HDLBP: variants seen among roughly 807,000 people sequenced by gnomAD.
The protein encoded by HDLBP is vigilin.
In HDLBP, 30 loss-of-function variants were observed where a neutral mutation model predicts 137.3. That is an observed-to-expected ratio of 0.22 (90% CI 0.16 to 0.30). The LOEUF (loss-of-function observed/expected upper bound fraction) is 0.30, where lower values mean the gene tolerates loss of function less well. Among genes scored for constraint, HDLBP ranks in the 10% least tolerant of loss-of-function variants. HDLBP has a pLI of 1.00. For missense variants in HDLBP, 1,119 were observed against 1,667.3 expected, an observed-to-expected ratio of 0.67 and a Z score of 5.73; for synonymous variants, 606 against 596.0, an observed-to-expected ratio of 1.02 and a Z score of -0.24.
chr2:241,294,467 A>G (rs1025615790), intron 1 of HDLBP, among the ~76,000 whole-genome samples: 1 of 152,132 alleles, frequency 6.6e-6, no homozygotes, highest in Non-Finnish European at 1.5e-5. Context: ...TTATTTTATT[A>G]TTTATTTATT....
chr2:241,291,126 G>A (rs1339089040), intron 1 of HDLBP, among the ~76,000 whole-genome samples: 2 of 152,234 alleles, frequency 1.3e-5, no homozygotes, highest in East Asian at 1.9e-4. Context: ...AAGCATCGTC[G>A]GCTACTACAA....
rs1170094465 is a variant in HDLBP at position 241,240,378 on chromosome 2, T to TC, written c.2170-257dup. 4.6e-5 allele frequency among the ~76,000 whole-genome samples: 7 copies of TC among 152,204 alleles called. No individual in the cohort carries two copies. Among genetic ancestry groups the TC allele is most frequent in the Non-Finnish European group, 7.3e-5 (5 of 68,032 alleles). On this transcript the variant is annotated intron_variant, in intron 17 of 27. Transcript: ENST00000310931. The surrounding 1 kb of genome is among the most constrained non-coding windows in gnomAD (Gnocchi z 5.5). Reference sequence around the variant, plus strand: ...TGAACACACAGGCTTAGAACCCTGGTCCTGCCACTTACAAGCACTGACCAA... The same window carrying TC: ...TGAACACACAGGCTTAGAACCCTGGTCCCTGCCACTTACAAGCACTGACCAA...
chr2:241,262,044 A>AC (rs1201294233), intron 5 of HDLBP, among the ~76,000 whole-genome samples: 9 of 152,224 alleles, frequency 5.9e-5, no homozygotes, highest in African/African-American at 2.2e-4. Context: ...AAGTGCTACC[A>AC]CTTAGGGAGA....
intron 1 of HDLBP, among the ~76,000 whole-genome samples, chr2:241,297,359 A>G (rs1468517847): frequency 6.6e-6 from 1 of 152,224 alleles, no homozygotes; most frequent in Non-Finnish European, 1.5e-5. Context: ...TAAGATTGTC[A>G]CTGTTGGGAA....
intron 1 of HDLBP, among the ~76,000 whole-genome samples, chr2:241,299,374 A>G (rs1320702773): frequency 6.6e-6 from 1 of 151,574 alleles, no homozygotes; most frequent in East Asian, 2.0e-4. Context: ...AAAATTAGCC[A>G]GGCATGGTGG....
chr2:241,284,323 C>T (rs1334838842), intron 1 of HDLBP, among the ~76,000 whole-genome samples: 1 of 151,412 alleles, frequency 6.6e-6, no homozygotes, highest in Non-Finnish European at 1.5e-5. Context: ...TTGAGGGGTT[C>T]AAGACTTCAG....
intron 1 of HDLBP, among the ~76,000 whole-genome samples, chr2:241,290,354 T>C (rs914595976): frequency 2.0e-5 from 3 of 152,176 alleles, no homozygotes; most frequent in African/African-American, 7.2e-5. Context: ...TTTACGCCTG[T>C]AATCCCAGCA....
chr2:241,236,584 G>C (rs200553559), intron 21 of HDLBP, 31 bp downstream of exon 21: 9 of 1,608,088 alleles, frequency 5.6e-6, no homozygotes, highest in African/African-American at 1.3e-5. Flanking sequence ...GGGCCTTGGC[G>C]GGGGGTGGAG....
rs1410517858 is a variant in HDLBP, at chr2:241,229,699, G to A, written c.3721-12C>T. ...CTCATGTCAGGAGCCTGTGCAGAGAGAGGACACGGCTTCAGGAGGGGATGC... is the reference window on the plus strand; with the variant it reads ...CTCATGTCAGGAGCCTGTGCAGAGAAAGGACACGGCTTCAGGAGGGGATGC... On this transcript the variant is annotated splice_polypyrimidine_tract_variant and intron_variant, in intron 27 of 27. Transcript: ENST00000310931. The A allele has an allele frequency of 3.1e-6, 5 of 1,613,936 alleles. No individual in the cohort carries two copies. Among genetic ancestry groups the A allele is most frequent in the Non-Finnish European group, 3.4e-6 (4 of 1,179,828 alleles).
chr2:241,270,906 C>G (rs1332004461), intron 1 of HDLBP: 1 of 882,548 alleles, frequency 1.1e-6, no homozygotes, highest in African/African-American at 1.8e-5. Context: ...CTCACTGGAT[C>G]TAACAGTACT....
intron 22 of HDLBP, 85 bp from the exon 23 acceptor site, chr2:241,235,340 G>C (rs879114993): frequency 4.3e-5 from 67 of 1,572,514 alleles, no homozygotes; most frequent in South Asian, 5.7e-5. Flanking sequence ...GAAGTGGTGA[G>C]AGGGAAGGCC....
At chr2:241,309,660 C>G (rs916500781) in intron 1 of HDLBP, among the ~76,000 whole-genome samples, 9 of 152,232 alleles carry the variant, frequency 5.9e-5, no homozygotes, top group African/African-American at 2.2e-4. Context: ...CACAGCCACA[C>G]AGAGCCAACC....
At chr2:241,250,780 A>G (rs6716124) in intron 11 of HDLBP, 113,068 of 152,264 alleles carry the variant, frequency 0.74, 43,014 homozygotes, top group East Asian at 0.95. Context: ...GTGCCAGGTG[A>G]AGCAACACAA....
intron 1 of HDLBP, among the ~76,000 whole-genome samples, chr2:241,286,984 G>C (rs1326718473): frequency 1.3e-5 from 2 of 151,050 alleles, no homozygotes; most frequent in Non-Finnish European, 2.9e-5. Flanking sequence ...AATCCAGCCA[G>C]TCCCATTTCA....
Position 241,240,297 on chromosome 2 carries a change from T to A in HDLBP, c.2170-175A>T. 3.1e-6 allele frequency: 2 copies of A among 653,342 alleles called. No individual in the cohort carries two copies. Among genetic ancestry groups the A allele is most frequent in the Non-Finnish European group, 5.6e-6 (2 of 359,984 alleles). 40.5% of individuals were successfully genotyped at this position (653,342 alleles called of 1,614,324 possible). On this transcript the variant is annotated intron_variant, in intron 17 of 27. Transcript: ENST00000310931. The surrounding 1 kb of genome is among the most constrained non-coding windows in gnomAD (Gnocchi z 5.5). ...TAGCACACCTCACTGAATAAACAGATGAATACCCAGACTGCACACCTACTT... is the reference window on the plus strand; with the variant it reads ...TAGCACACCTCACTGAATAAACAGAAGAATACCCAGACTGCACACCTACTT...
At position 241,235,377 on chromosome 2, in the gene HDLBP, C is replaced by T; in HGVS notation, c.3009+113G>A. 7.4e-6 allele frequency: 11 copies of T among 1,490,804 alleles called. 1 individual carries two copies. The South Asian group carries it at 1.2e-4, about 16-fold the overall frequency. The allele number at this position is 1,490,804 out of a possible 1,614,324, so 92.3% of individuals were successfully genotyped here. A position where few individuals can be genotyped will look rare whatever the true frequency, so the allele number is the denominator to read the frequency against. ...CCCGCCGTGAAGGGAAGTCAGTGCC[C>T]AGTCCGAGCAGGAGGAGGCAGAGTC... On this transcript the variant is annotated intron_variant, in intron 22 of 27. Coordinates refer to ENST00000310931, the MANE Select transcript of HDLBP (RefSeq NM_005336.6).
At chr2:241,270,431 C>T (rs2073964224) in intron 1 of HDLBP, among the ~76,000 whole-genome samples, 1 of 152,234 alleles carries the variant, frequency 6.6e-6, no homozygotes, top group Non-Finnish European at 1.5e-5. Flanking sequence ...CATTTAACAT[C>T]TAGGGTTCTG....
At chr2:241,276,425 G>A (rs866604491) in intron 1 of HDLBP, among the ~76,000 whole-genome samples, 2 of 152,048 alleles carry the variant, frequency 1.3e-5, no homozygotes, top group African/African-American at 4.8e-5. Flanking sequence ...CAAGAAAAAA[G>A]AATAGGAGGC....
intron 5 of HDLBP, 93 bp downstream of exon 5, chr2:241,262,618 G>A: frequency 2.2e-6 from 2 of 912,956 alleles, no homozygotes; most frequent in African/African-American, 3.2e-5. Flanking sequence ...CCCACTGGTA[G>A]GAAGGGTCCA....
Sources: gnomAD v4.1 joint callset for allele counts (sites outside exome capture counted in the v4.1 genomes callset) on GRCh38, gnomAD v4.1.1 for gene constraint, Gnocchi (gnomAD v3.1) non-coding constraint, MANE v1.5 for transcripts, NCBI Gene and HGNC (gene_info 2026-07-23, HGNC 2026-07-21) for gene names.